Variants in ZNF131 observed in about 807,000 individuals in gnomAD.
ZNF131 encodes zinc finger and BTB domain containing 35.
A neutral mutation model predicts 60.0 loss-of-function variants in ZNF131; 7 were observed. The observed-to-expected ratio is 0.12, with a 90% CI of 0.07 to 0.22. The LOEUF (loss-of-function observed/expected upper bound fraction) is 0.22, where lower values mean the gene tolerates loss of function less well. ZNF131 is among the 10% of genes least tolerant of loss of function. The pLI, the probability that ZNF131 is intolerant of heterozygous loss-of-function variation, is 1.00. For synonymous variants in ZNF131, 257 were observed against 253.2 expected (o/e 1.01, Z -0.14); for missense variants, 493 against 740.9 (o/e 0.67, Z 3.88).
chr5:43,173,459 A>G lies in ZNF131; in HGVS notation c.1185+11A>G. ...CTCTACGAATGCCAGGTATGTGCAG[A>G]TACATACATTCAGTTCTTAACAAAG... On this transcript the variant is annotated intron_variant, in intron 6 of 6. Coordinates refer to ENST00000682664, the MANE Select transcript of ZNF131 (RefSeq NM_001330707.2). The G allele has an allele frequency of 1.9e-6, 3 of 1,610,622 alleles. No homozygotes were observed. Among genetic ancestry groups the G allele is most frequent in the Admixed American group, 1.7e-5 (1 of 59,692 alleles).
At chr5:43,125,595 A>G (rs113759508) in intron 3 of ZNF131, among the ~76,000 whole-genome samples, 27,766 of 151,716 alleles carry the variant, frequency 0.18, 2,960 homozygotes, top group Middle Eastern at 0.34. Flanking sequence ...AGCCTGACCA[A>G]CATGGTGAAA....
At chr5:43,154,932 G>A (rs912329578) in intron 4 of ZNF131, among the ~76,000 whole-genome samples, 1 of 152,202 alleles carries the variant, frequency 6.6e-6, no homozygotes, top group Non-Finnish European at 1.5e-5. Flanking sequence ...GGAAGTGCCA[G>A]TAAAAATATA....
intron 4 of ZNF131, among the ~76,000 whole-genome samples, chr5:43,152,697 T>C (rs6884303): frequency 0.72 from 109,201 of 152,048 alleles, 39,591 homozygotes; most frequent in Middle Eastern, 0.85. Context: ...GCTGTAACTT[T>C]CCAGGCTCAG....
At chr5:43,169,382 T>C (rs1256456378) in intron 5 of ZNF131, among the ~76,000 whole-genome samples, 1 of 152,236 alleles carries the variant, frequency 6.6e-6, no homozygotes, top group Admixed American at 6.5e-5. Context: ...ACAATGAAAA[T>C]TGAGTCTCGT....
rs1336203471 is a variant in ZNF131, at chr5:43,161,939, G to T, written c.1054+8G>T. ...ATCTTCGAAAACATACAGGTAATGA[G>T]CAAATACTTTGTTAAAATTTTTTTT... is the stretch of plus-strand genomic sequence containing the variant. On this transcript the variant is annotated splice_region_variant and intron_variant, in intron 5 of 6. Coordinates refer to ENST00000682664, the MANE Select transcript of ZNF131 (RefSeq NM_001330707.2). 3 of 1,551,320 alleles carry T rather than the reference G, an allele frequency of 1.9e-6. No homozygotes were observed. The highest frequency in any genetic ancestry group is 2.8e-5 in the African/African-American group (2 of 71,918).
chr5:43,160,496 T>C (rs965201951), intron 4 of ZNF131, among the ~76,000 whole-genome samples: 4 of 152,088 alleles, frequency 2.6e-5, no homozygotes, highest in Non-Finnish European at 5.9e-5. Flanking sequence ...TGAGAAATCT[T>C]TCACTAACCA....
chr5:43,171,424 A>G (rs1750977304), intron 5 of ZNF131, among the ~76,000 whole-genome samples: 1 of 152,056 alleles, frequency 6.6e-6, no homozygotes, highest in South Asian at 2.1e-4. Context: ...GGCTTAAAGA[A>G]TCCTGTTATT....
chr5:43,143,422 CT>C, intron 4 of ZNF131: 1 of 1,431,764 alleles, frequency 7.0e-7, no homozygotes, highest in East Asian at 2.6e-5. Context: ...CAGTGATCTG[CT>C]TCTCCACTGT....
At chr5:43,128,683 C>G (rs1235183625) in intron 3 of ZNF131, among the ~76,000 whole-genome samples, 1 of 147,688 alleles carries the variant, frequency 6.8e-6, no homozygotes, top group African/African-American at 2.5e-5. Flanking sequence ...AAAAACACAC[C>G]TGGGGTGCTC....
At chr5:43,134,249 A>G (rs774940766) in intron 3 of ZNF131, among the ~76,000 whole-genome samples, 4 of 152,242 alleles carry the variant, frequency 2.6e-5, no homozygotes, top group Non-Finnish European at 5.9e-5. Context: ...GTGATATACC[A>G]TACTAACAAT....
chr5:43,156,247 T>C (rs1209621107), intron 4 of ZNF131, among the ~76,000 whole-genome samples: 3 of 152,156 alleles, frequency 2.0e-5, no homozygotes, highest in Non-Finnish European at 4.4e-5. Context: ...TGCAAGTCCA[T>C]CCTCTCCCCA....
intron 1 of ZNF131, 105 bp from the exon 2 acceptor site, chr5:43,121,934 C>CT: frequency 4.7e-6 from 6 of 1,273,942 alleles, no homozygotes; most frequent in Non-Finnish European, 6.3e-6. Flanking sequence ...ACCCTCCCCC[C>CT]TTCTTTTCAC....
chr5:43,122,203 C>T (rs750114096), intron 2 of ZNF131, 26 bp downstream of exon 2: 45 of 1,566,030 alleles, frequency 2.9e-5, no homozygotes, highest in Non-Finnish European at 3.7e-5. Context: ...GGCAGAGGAG[C>T]GAATTTTTGG....
intron 3 of ZNF131, among the ~76,000 whole-genome samples, chr5:43,133,617 A>G (rs1205310364): frequency 6.6e-6 from 1 of 152,236 alleles, no homozygotes. Flanking sequence ...AGAGATGTCC[A>G]TGAATTGTCA....
intron 3 of ZNF131, among the ~76,000 whole-genome samples, chr5:43,125,750 A>G (rs1744462680): frequency 6.6e-6 from 1 of 151,910 alleles, no homozygotes; most frequent in Non-Finnish European, 1.5e-5. Context: ...ATTGCACTCC[A>G]GCCTGGGCAA....
At chr5:43,125,439 G>GT (rs1251416095) in intron 3 of ZNF131, among the ~76,000 whole-genome samples, 2 of 151,556 alleles carry the variant, frequency 1.3e-5, no homozygotes, top group Non-Finnish European at 2.9e-5. Context: ...GATTACAGGC[G>GT]TGAGACCACG....
rs200238054 is a variant in ZNF131 at position 43,139,250 on chromosome 5, T to A, written c.312T>A (p.Asp104Glu). 1 of 1,612,994 alleles carries A rather than the reference T, an allele frequency of 6.2e-7. No homozygotes were observed. The highest frequency in any genetic ancestry group is 2.2e-5 in the East Asian group (1 of 44,768). Residue 104 changes from aspartate to glutamate, a missense_variant, in exon 4 of 7, where the codon GAT becomes GAA. By Grantham distance (45) the Asp-to-Glu change is conservative (BLOSUM62 2). Around this residue, in one of 7 missense-constraint regions of ZNF131, gnomAD observed 66 missense variants for 148.0 expected, o/e 0.45. Transcript: ENST00000682664. ...TACAAGGAGAAGAAGAAGCCAATGATGTATGGAAAGCAGCAGAGTTTCTAC... is the reference window on the plus strand; with the variant it reads ...TACAAGGAGAAGAAGAAGCCAATGAAGTATGGAAAGCAGCAGAGTTTCTAC... ...LMIQGEEEAN[D>E]VWKAAEFLQM...
chr5:43,173,004 TAGAG>T (rs1469171499), intron 5 of ZNF131: 1 of 185,146 alleles, frequency 5.4e-6, no homozygotes, highest in Non-Finnish European at 1.1e-5. Flanking sequence ...TTCCGCAAAA[TAGAG>T]ATTGATCATG....
At chr5:43,147,820 C>T (rs887829721) in intron 4 of ZNF131, among the ~76,000 whole-genome samples, 3 of 151,342 alleles carry the variant, frequency 2.0e-5, no homozygotes, top group Admixed American at 6.6e-5. Flanking sequence ...TTTGGGATGC[C>T]GAGGCAGGTG....
Sources: allele counts gnomAD v4.1 joint callset (sites outside exome capture counted in the v4.1 genomes callset), GRCh38; gene constraint gnomAD v4.1.1; regional missense constraint gnomAD v4.1.1; transcripts MANE v1.5; gene names NCBI Gene and HGNC (gene_info 2026-07-23, HGNC 2026-07-21).